Variants in KLK8 observed in about 807,000 individuals in gnomAD.
The protein encoded by KLK8 is kallikrein related peptidase 8.
In KLK8, 18 loss-of-function variants were observed where a neutral mutation model predicts 26.7. The observed-to-expected ratio is 0.67, with a 90% CI of 0.47 to 1.00. KLK8 has a LOEUF of 1.00. KLK8 is among the 50% of genes least tolerant of loss of function. The probability of loss-of-function intolerance (pLI) is 0.00; values close to 1 mark genes in which losing one functional copy is unlikely to be tolerated. For missense variants in KLK8, 301 were observed against 331.7 expected (o/e 0.91, Z 0.72); for synonymous variants, 137 against 127.1 (o/e 1.08, Z -0.52).
chr19:50,996,937 CA>C (rs1568554362), intron 6 of KLK8, among the ~76,000 whole-genome samples: 6 of 143,760 alleles, frequency 4.2e-5, no homozygotes, highest in Non-Finnish European at 6.1e-5. Flanking sequence ...CACACACACA[CA>C]CCATATCCCC....
chr19:51,000,754 C>A, intron 3 of KLK8, 171 bp from the exon 3 acceptor site: 2 of 1,514,410 alleles, frequency 1.3e-6, no homozygotes, highest in South Asian at 2.7e-5. Context: ...GTCCATGTGT[C>A]ATCATACAAG....
At chr19:51,000,623 G>A in intron 3 of KLK8, 40 bp from the exon 3 acceptor site, 1 of 1,608,814 alleles carries the variant, frequency 6.2e-7, no homozygotes, top group Non-Finnish European at 8.5e-7. Context: ...CACCCTCTGG[G>A]GCAGTGCGAG....
At chr19:50,997,701 G>T in intron 6 of KLK8, 50 bp downstream of exon 5, 1 of 1,603,500 alleles carries the variant, frequency 6.2e-7, no homozygotes, top group South Asian at 1.1e-5. Flanking sequence ...CTTGAACCTC[G>T]AGAGGGCAAT....
At chr19:50,997,996 C>T (rs2091186455) in intron 5 of KLK8, 112 bp from the exon 5 acceptor site, 1 of 1,360,920 alleles carries the variant, frequency 7.3e-7, no homozygotes, top group African/African-American at 1.4e-5. Flanking sequence ...TTTCCAGCTG[C>T]ATGGGGGAAT....
chr19:50,999,936 TG>T, intron 5 of KLK8, 59 bp downstream of exon 4: 4 of 1,515,454 alleles, frequency 2.6e-6, no homozygotes, highest in Non-Finnish European at 3.6e-6. Flanking sequence ...GCCAATAGCT[TG>T]GGTTCCACTG....
chr19:50,996,484 G>A (rs149489529), intron 6 of KLK8, among the ~76,000 whole-genome samples: 30 of 151,768 alleles, frequency 2.0e-4, no homozygotes, highest in East Asian at 1.9e-3. Context: ...CTGCAATCCC[G>A]GCACTTTGGG....
At chr19:50,997,616 G>T in intron 6 of KLK8, 135 bp downstream of exon 5, 2 of 1,017,196 alleles carry the variant, frequency 2.0e-6, no homozygotes, top group Non-Finnish European at 1.5e-6. Flanking sequence ...CTCCCAATCC[G>T]TAGAGATAGG....
At chr19:50,997,839 G>T in exon 6 of KLK8, 1 of 1,614,138 alleles carries the variant, frequency 6.2e-7, no homozygotes, top group Non-Finnish European at 8.5e-7. Flanking sequence ...CTTCTTCTGG[G>T]GAAAGATTTT....
chr19:51,000,481 C>G, exon 4 of KLK8: 1 of 1,614,002 alleles, frequency 6.2e-7, no homozygotes. Context: ...GACACCGCCA[C>G]AGAGTAGTTG....
At chr19:50,996,436 G>A (rs1422890813) in intron 6 of KLK8, among the ~76,000 whole-genome samples, 1 of 151,682 alleles carries the variant, frequency 6.6e-6, no homozygotes, top group Non-Finnish European at 1.5e-5. Flanking sequence ...CAGAAGAGGG[G>A]AAAGAATGAA....
In KLK8 at chr19:50,997,885, C is replaced by T; in HGVS notation, c.494-1G>A. ...CAGTTGAGAGTGTCAGGAAAATTCTCTGAGGGGGAAGAGGTTGTAAGGTTC... is the reference window on the plus strand; with the variant it reads ...CAGTTGAGAGTGTCAGGAAAATTCTTTGAGGGGGAAGAGGTTGTAAGGTTC... On this transcript the variant is annotated splice_acceptor_variant, in intron 5 of 6. Coordinates refer to ENST00000600767, the Ensembl canonical transcript of KLK8. LOFTEE classifies it high-confidence loss of function. 1.2e-6 allele frequency: 2 copies of T among 1,614,056 alleles called. No homozygotes were observed. Among genetic ancestry groups the T allele is most frequent in the Non-Finnish European group, 1.7e-6 (2 of 1,180,020 alleles).
chr19:50,997,426 G>A (rs377217393), intron 6 of KLK8, among the ~76,000 whole-genome samples: 1 of 152,062 alleles, frequency 6.6e-6, no homozygotes, highest in Non-Finnish European at 1.5e-5. Flanking sequence ...CAGGCAACTC[G>A]TCTAAACTCT....
intron 5 of KLK8, chr19:50,998,111 C>A: frequency 1.9e-6 from 1 of 534,730 alleles, no homozygotes; most frequent in South Asian, 2.3e-5. Flanking sequence ...TTGGATCTCA[C>A]GTGTTTTTTC....
rs746814913 is a variant in KLK8 at position 50,996,220 on chromosome 19, C to G, written c.628-6G>C. On this transcript the variant is annotated splice_polypyrimidine_tract_variant and splice_region_variant and intron_variant, in intron 6 of 6. Coordinates refer to ENST00000600767, the Ensembl canonical transcript of KLK8. ...AGGGGGCCTCCAGAATCGCCCTAGA[C>G]AGGGAGAATGAGAACAGCCTTGCAT... 6 of 1,613,448 alleles carry G rather than the reference C, an allele frequency of 3.7e-6. No individual in the cohort carries two copies. Among genetic ancestry groups the G allele is most frequent in the Non-Finnish European group, 5.1e-6 (6 of 1,179,530 alleles).
At chr19:50,996,102 C>T (rs371793414) in exon 7 of KLK8, 15 of 1,614,070 alleles carry the variant, frequency 9.3e-6, no homozygotes, top group African/African-American at 4.0e-5. Flanking sequence ...GTCCAGGTAG[C>T]GGCAGATGTT....
chr19:50,998,286 C>T (rs577437101), intron 5 of KLK8, among the ~76,000 whole-genome samples: 1 of 152,298 alleles, frequency 6.6e-6, no homozygotes, highest in East Asian at 1.9e-4. Flanking sequence ...TGGAAGCCTT[C>T]CCTGACCACT....
chr19:50,996,893 GACACACACACAC>G (rs368604260), intron 6 of KLK8, among the ~76,000 whole-genome samples: 85 of 81,300 alleles, frequency 1.0e-3, no homozygotes, highest in African/African-American at 2.3e-3. Flanking sequence ...GATTCTTATG[GACACACACACAC>G]ACACACACAC....
intron 5 of KLK8, among the ~76,000 whole-genome samples, chr19:50,998,538 T>C (rs551156125): frequency 6.6e-6 from 1 of 152,296 alleles, no homozygotes; most frequent in African/African-American, 2.4e-5. Context: ...GAATTAATGA[T>C]TGAAGGTGGA....
rs1427958105 is a variant in KLK8 at position 51,001,097 on chromosome 19, C to G, written c.70+1G>C. The stretch of plus-strand genomic sequence containing the variant: ...CCGGAGGCCTCCGCAACCCTCCTCA[C>G]CTGCCCAGGCTCCCCCCAGCAAGAG... On this transcript the variant is annotated splice_donor_variant, in intron 3 of 6. Coordinates refer to ENST00000600767, the Ensembl canonical transcript of KLK8. LOFTEE classifies it high-confidence loss of function. The G allele has an allele frequency of 6.2e-7, 1 of 1,611,304 alleles. No homozygotes were observed. Among genetic ancestry groups the G allele is most frequent in the Non-Finnish European group, 8.5e-7 (1 of 1,179,240 alleles).
Sources: allele counts gnomAD v4.1 joint callset (sites outside exome capture counted in the v4.1 genomes callset), GRCh38; gene constraint gnomAD v4.1.1; transcripts MANE v1.5; gene names NCBI Gene and HGNC (gene_info 2026-07-23, HGNC 2026-07-21).